CNIH3: variants seen among roughly 807,000 people sequenced by gnomAD.
CNIH3 encodes the protein protein cornichon homolog 3.
Under a neutral mutation model 24.1 loss-of-function variants are expected in CNIH3, and 14 were observed. The observed-to-expected ratio is 0.58, with a 90% CI of 0.38 to 0.91. The LOEUF is 0.91. CNIH3 is among the 40% of genes least tolerant of loss of function. The pLI is 0.00. For synonymous variants in CNIH3, 68 were observed against 73.8 expected (o/e 0.92, Z 0.40); for missense variants, 178 against 196.8 (o/e 0.90, Z 0.57).
At chr1:224,694,732 T>C (rs774758432) in intron 3 of CNIH3, among the ~76,000 whole-genome samples, 3 of 152,160 alleles carry the variant, frequency 2.0e-5, no homozygotes, top group Non-Finnish European at 4.4e-5. Context: ...GTATACACCA[T>C]GGAATACTAC....
At chr1:224,739,295 CTTTTTTTTTT>C (rs11342205) in intron 5 of CNIH3, 24 bp from the exon 6 acceptor site, 100 of 1,342,350 alleles carry the variant, frequency 7.4e-5, no homozygotes, top group Middle Eastern at 6.3e-4. Context: ...ACCTTCCTCT[CTTTTTTTTTT>C]TTTTTTTTTT....
At chr1:224,727,134 C>T (rs1375660593) in intron 3 of CNIH3, among the ~76,000 whole-genome samples, 1 of 152,180 alleles carries the variant, frequency 6.6e-6, no homozygotes. Context: ...GTCCTGCCGG[C>T]CTCGATGGCT....
intron 4 of CNIH3, among the ~76,000 whole-genome samples, chr1:224,569,930 C>A (rs778395528): frequency 2.0e-5 from 3 of 151,898 alleles, no homozygotes; most frequent in Non-Finnish European, 4.4e-5. Flanking sequence ...ATTACAGGCA[C>A]CTACCAACAT....
chr1:224,686,871 G>T (rs926092522), intron 3 of CNIH3, among the ~76,000 whole-genome samples: 1 of 152,194 alleles, frequency 6.6e-6, no homozygotes, highest in Admixed American at 6.5e-5. Flanking sequence ...TTGCAGATTT[G>T]CATATCGTTT....
intron 1 of CNIH3, chr1:224,434,875 T>C (rs1363926248): frequency 7.1e-6 from 7 of 984,948 alleles, no homozygotes; most frequent in East Asian, 1.1e-4. Context: ...ATGGAACCTA[T>C]AGGGGGCCTG....
chr1:224,540,498 G>T (rs1268582568), downstream of CNIH3, among the ~76,000 whole-genome samples: 3 of 152,170 alleles, frequency 2.0e-5, no homozygotes, highest in African/African-American at 7.2e-5. Context: ...AATAAATGCA[G>T]CTGCATCTGG....
chr1:224,450,974 G>C (rs1408559133), intron 1 of CNIH3, among the ~76,000 whole-genome samples: 1 of 152,134 alleles, frequency 6.6e-6, no homozygotes, highest in Non-Finnish European at 1.5e-5. Context: ...AGTGGGAAAG[G>C]CCCTTAATTT....
chr1:224,671,190 T>C (rs1186242758), intron 1 of CNIH3, among the ~76,000 whole-genome samples: 2 of 152,218 alleles, frequency 1.3e-5, no homozygotes, highest in African/African-American at 2.4e-5. Flanking sequence ...TGCATATATC[T>C]ACACACATCC....
downstream of CNIH3, among the ~76,000 whole-genome samples, chr1:224,590,687 C>T (rs368263014): frequency 2.0e-5 from 3 of 152,146 alleles, no homozygotes; most frequent in South Asian, 2.1e-4. Context: ...AAACACCCCC[C>T]CTTAGGTCTC....
chr1:224,645,943 C>G (rs943015868), intron 1 of CNIH3, among the ~76,000 whole-genome samples: 10 of 152,228 alleles, frequency 6.6e-5, no homozygotes, highest in Admixed American at 5.9e-4. Flanking sequence ...ATCTCTTCCC[C>G]TTGGCAGTAT....
At chr1:224,531,243 A>G (rs1224106746) in intron 2 of CNIH3, among the ~76,000 whole-genome samples, 1 of 152,216 alleles carries the variant, frequency 6.6e-6, no homozygotes, top group Non-Finnish European at 1.5e-5. Flanking sequence ...CACTGGGGGT[A>G]CAGTGGGGAA....
intron 1 of CNIH3, among the ~76,000 whole-genome samples, chr1:224,461,432 C>T (rs1287924904): frequency 6.6e-6 from 1 of 152,032 alleles, no homozygotes; most frequent in Non-Finnish European, 1.5e-5. Flanking sequence ...ATAAGCATAC[C>T]AGTATTCTAT....
intron 1 of CNIH3, among the ~76,000 whole-genome samples, chr1:224,499,121 G>A (rs570677512): frequency 6.6e-5 from 10 of 152,292 alleles, no homozygotes; most frequent in Admixed American, 1.3e-4. Flanking sequence ...TTGTTTTGGG[G>A]TTGTATCCTA....
intron 1 of CNIH3, among the ~76,000 whole-genome samples, chr1:224,644,006 G>A (rs948368839): frequency 2.0e-5 from 3 of 152,126 alleles, no homozygotes; most frequent in African/African-American, 7.2e-5. Flanking sequence ...GATCTAGTGG[G>A]GTATTAGAAT....
intron 3 of CNIH3, among the ~76,000 whole-genome samples, chr1:224,705,958 G>T (rs191054884): frequency 7.0e-6 from 1 of 141,924 alleles, no homozygotes; most frequent in Non-Finnish European, 1.5e-5. Context: ...GTTGGAGTCT[G>T]TGTGCTTCTG....
At chr1:224,545,497 T>G (rs1336032246) in intron 2 of CNIH3, among the ~76,000 whole-genome samples, 4 of 152,196 alleles carry the variant, frequency 2.6e-5, no homozygotes, top group African/African-American at 9.6e-5. Context: ...CCTTTCAGAA[T>G]TCCTGCCCCT....
chr1:224,720,126 C>T (rs892353682), intron 3 of CNIH3, among the ~76,000 whole-genome samples: 6 of 152,124 alleles, frequency 3.9e-5, no homozygotes, highest in Non-Finnish European at 8.8e-5. Flanking sequence ...GTTTCTTTTG[C>T]GAATGCCAGA....
At chr1:224,442,001 T>C (rs1674935684) in intron 1 of CNIH3, among the ~76,000 whole-genome samples, 1 of 151,312 alleles carries the variant, frequency 6.6e-6, no homozygotes, top group Non-Finnish European at 1.5e-5. Flanking sequence ...GGGAGATTTA[T>C]TGATTCCCTT....
chr1:224,670,346 G>C (rs1685804650), intron 1 of CNIH3, among the ~76,000 whole-genome samples: 1 of 152,166 alleles, frequency 6.6e-6, no homozygotes, highest in Admixed American at 6.5e-5. Flanking sequence ...GTGGCAGAAG[G>C]GCTGGGTCTC....
Sources: allele counts gnomAD v4.1 joint callset (sites outside exome capture counted in the v4.1 genomes callset), GRCh38; gene constraint gnomAD v4.1.1; transcripts MANE v1.5; gene names NCBI Gene and HGNC (gene_info 2026-07-23, HGNC 2026-07-21).